The following DPP10 variants were observed in gnomAD, a reference collection of about 807,000 sequenced individuals.
The protein encoded by DPP10 is dipeptidyl peptidase like 10, also known as inactive dipeptidyl peptidase 10.
In DPP10, 33 loss-of-function variants were observed where a neutral mutation model predicts 120.9. The observed-to-expected ratio is 0.27, with a 90% confidence interval of 0.21 to 0.37. DPP10 has a LOEUF of 0.37. Among genes scored for constraint, DPP10 ranks in the 10% least tolerant of loss-of-function variants. The pLI is 1.00. For synonymous variants in DPP10, 337 were observed against 326.1 expected (o/e 1.03, Z -0.36); for missense variants, 816 against 942.8 (o/e 0.87, Z 1.76).
chr2:114,718,735 A>G (rs951272856), intron 1 of DPP10, among the ~76,000 whole-genome samples: 2 of 152,212 alleles, frequency 1.3e-5, no homozygotes, highest in African/African-American at 4.8e-5. Context: ...ATGTAGATAC[A>G]TGTATGCTAA....
At chr2:114,655,040 T>C (rs1696870819) in intron 1 of DPP10, among the ~76,000 whole-genome samples, 1 of 152,202 alleles carries the variant, frequency 6.6e-6, no homozygotes, top group Non-Finnish European at 1.5e-5. Flanking sequence ...TTAATATTCC[T>C]GTAACTTCGG....
intron 1 of DPP10, among the ~76,000 whole-genome samples, chr2:114,809,711 A>T (rs1046113206): frequency 2.0e-5 from 3 of 152,160 alleles, no homozygotes; most frequent in Admixed American, 6.6e-5. Flanking sequence ...GTCTCAGCTC[A>T]ACTGAGTGCA....
intron 3 of DPP10, among the ~76,000 whole-genome samples, chr2:115,359,915 T>C (rs1250414188): frequency 6.6e-6 from 1 of 152,178 alleles, no homozygotes; most frequent in Non-Finnish European, 1.5e-5. Context: ...TTAATGCTTC[T>C]AATTATATTT....
chr2:114,466,196 C>T (rs1679356771), intron 1 of DPP10, among the ~76,000 whole-genome samples: 1 of 151,948 alleles, frequency 6.6e-6, no homozygotes, highest in South Asian at 2.1e-4. Flanking sequence ...GGAGAATTGC[C>T]AAGAAATGTA....
chr2:115,829,403 TTAATTA>T (rs1242813308), intron 21 of DPP10, among the ~76,000 whole-genome samples: 1 of 152,196 alleles, frequency 6.6e-6, no homozygotes, highest in East Asian at 1.9e-4. Flanking sequence ...TTACAGTCTT[TTAATTA>T]TAACATGCTT....
At chr2:115,732,600 C>T (rs2092937333) in intron 8 of DPP10, among the ~76,000 whole-genome samples, 1 of 152,030 alleles carries the variant, frequency 6.6e-6, no homozygotes, top group African/African-American at 2.4e-5. Context: ...GATATCAGAT[C>T]AAAGTTTTAC....
intron 5 of DPP10, among the ~76,000 whole-genome samples, chr2:115,620,842 C>T (rs189072163): frequency 7.9e-5 from 12 of 152,068 alleles, no homozygotes; most frequent in Admixed American, 2.0e-4. Context: ...TTTTTGAGAG[C>T]GAAGAAAGCA....
intron 1 of DPP10, among the ~76,000 whole-genome samples, chr2:114,880,029 AT>A (rs1691479139): frequency 6.6e-6 from 1 of 152,198 alleles, no homozygotes; most frequent in South Asian, 2.1e-4. Context: ...ATGACAACAT[AT>A]GTTATAAGAG....
Position 114,712,901 on chromosome 2 carries a change from A to C in DPP10, c.60+270063A>C, listed in dbSNP as rs145745113. Among the ~76,000 whole-genome samples, 108 of 152,198 alleles carry C rather than the reference A, an allele frequency of 7.1e-4. 1 individual carries two copies. The highest frequency in any genetic ancestry group is 1.5e-5 in the Non-Finnish European group (1 of 68,006). On this transcript the variant is annotated intron_variant, in intron 1 of 25. Transcript: ENST00000410059. ...AATATTATTTCAAAGTCTACATAGA[A>C]TATTTGTATGGCTGTAGTACAATAA... is the stretch of plus-strand genomic sequence containing the variant.
chr2:114,916,493 A>G (rs186205448), intron 1 of DPP10, among the ~76,000 whole-genome samples: 18 of 152,332 alleles, frequency 1.2e-4, no homozygotes, highest in African/African-American at 4.3e-4. Context: ...TTGTTTTGGT[A>G]CCAAAACCTG....
intron 1 of DPP10, among the ~76,000 whole-genome samples, chr2:115,250,189 A>G (rs144032038): frequency 1.3e-5 from 2 of 152,238 alleles, no homozygotes; most frequent in African/African-American, 4.8e-5. Flanking sequence ...CCTGGCAGAC[A>G]CTGATTCTAC....
chr2:115,293,680 G>A (rs1477960511), intron 1 of DPP10, among the ~76,000 whole-genome samples: 1 of 152,046 alleles, frequency 6.6e-6, no homozygotes, highest in South Asian at 2.1e-4. Flanking sequence ...CCCTGTAAGT[G>A]GAAAGACAGG....
At chr2:115,248,212 G>T (rs1392850662) in intron 1 of DPP10, among the ~76,000 whole-genome samples, 2 of 152,028 alleles carry the variant, frequency 1.3e-5, no homozygotes, top group African/African-American at 2.4e-5. Context: ...GTTTTTATTT[G>T]CACTTTTATG....
chr2:114,645,506 T>C (rs1213898807), intron 1 of DPP10, among the ~76,000 whole-genome samples: 2 of 152,226 alleles, frequency 1.3e-5, no homozygotes, highest in Non-Finnish European at 2.9e-5. Context: ...AAACTGCATA[T>C]TCTGGGTGAA....
At chr2:115,273,918 G>A (rs539699344) in intron 1 of DPP10, among the ~76,000 whole-genome samples, 20 of 152,266 alleles carry the variant, frequency 1.3e-4, no homozygotes, top group African/African-American at 4.6e-4. Flanking sequence ...TACATTTGGG[G>A]ATTACAGAGT....
intron 5 of DPP10, among the ~76,000 whole-genome samples, chr2:115,568,507 C>T (rs1245180419): frequency 1.3e-5 from 2 of 151,686 alleles, no homozygotes; most frequent in Admixed American, 6.6e-5. Context: ...GAAATAATAT[C>T]TCAGTATATT....
intron 1 of DPP10, among the ~76,000 whole-genome samples, chr2:114,494,666 T>C (rs1031252273): frequency 6.6e-6 from 1 of 151,610 alleles, no homozygotes; most frequent in African/African-American, 2.4e-5. Flanking sequence ...ATACTGGAGG[T>C]TTTCAAAAGG....
chr2:114,501,327 A>C (rs1683160053), intron 1 of DPP10, among the ~76,000 whole-genome samples: 1 of 152,222 alleles, frequency 6.6e-6, no homozygotes, highest in African/African-American at 2.4e-5. Context: ...GTGAGTGTGC[A>C]ATGAATACTA....
At chr2:114,535,450 T>C (rs1226680343) in intron 1 of DPP10, among the ~76,000 whole-genome samples, 4 of 152,210 alleles carry the variant, frequency 2.6e-5, no homozygotes, top group Admixed American at 6.5e-5. Context: ...GGTTTAGCAG[T>C]ACAATTTGAA....
Sources: allele counts gnomAD v4.1 joint callset (sites outside exome capture counted in the v4.1 genomes callset), GRCh38; gene constraint gnomAD v4.1.1; transcripts MANE v1.5; gene names NCBI Gene and HGNC (gene_info 2026-07-23, HGNC 2026-07-21).